WDR20: variants seen among roughly 807,000 people sequenced by gnomAD.
WDR20 encodes the protein WD repeat-containing protein 20.
In WDR20, 3 loss-of-function variants were observed where a neutral mutation model predicts 38.7. The ratio of observed to expected loss-of-function variants is 0.08; its 90% CI spans 0.04 to 0.20. WDR20 has a LOEUF of 0.20. Ranked by LOEUF, WDR20 falls within the 10% of genes least tolerant of loss-of-function variation. The pLI is 1.00. For synonymous variants in WDR20, 298 were observed against 285.6 expected (o/e 1.04, Z -0.44); for missense variants, 559 against 727.7 (o/e 0.77, Z 2.67).
At chr14:102,170,383 T>C (rs1394210952) in intron 1 of WDR20, among the ~76,000 whole-genome samples, 1 of 152,220 alleles carries the variant, frequency 6.6e-6, no homozygotes, top group Non-Finnish European at 1.5e-5. Flanking sequence ...TATGTGCATT[T>C]GTAATTTTAG....
intron 2 of WDR20, chr14:102,198,361 A>G: frequency 3.7e-6 from 1 of 268,622 alleles, no homozygotes; most frequent in African/African-American, 2.3e-5. Flanking sequence ...CAAGTGATCC[A>G]CCCACCTCAG....
At position 102,209,549 on chromosome 14, in the gene WDR20, A is replaced by G. The variant is rs1471858589; in HGVS notation, c.1379A>G (p.Lys460Arg). ...MDGAIASGVS[K>R]FATLSLHDRK... ...GGGGCCATTGCTTCTGGGGTCAGCA[A>G]ATTTGCAACACTTTCACTACATGAC... The change falls in exon 3 of 3, where the codon AAA becomes AGA. Residue 460 changes from lysine to arginine, a missense_variant. Transcript: ENST00000342702. The surrounding 1 kb of genome is among the most constrained non-coding windows in gnomAD (Gnocchi z 6.0). 2.5e-6 allele frequency: 4 copies of G among 1,614,190 alleles called. No homozygotes were observed. Among genetic ancestry groups the G allele is most frequent in the Middle Eastern group, 1.6e-4 (1 of 6,062 alleles).
chr14:102,168,736 C>T (rs947068534), intron 1 of WDR20, among the ~76,000 whole-genome samples: 2 of 151,998 alleles, frequency 1.3e-5, no homozygotes, highest in African/African-American at 2.4e-5. Flanking sequence ...CTTTTTTTCA[C>T]GATCTACTTC....
At chr14:102,173,266 C>T (rs1018942398) in intron 1 of WDR20, among the ~76,000 whole-genome samples, 1 of 150,984 alleles carries the variant, frequency 6.6e-6, no homozygotes, top group Non-Finnish European at 1.5e-5. Flanking sequence ...GCTTGTGCCA[C>T]CATGCCTGGC....
intron 1 of WDR20, among the ~76,000 whole-genome samples, chr14:102,147,213 G>A (rs1266824729): frequency 6.6e-6 from 1 of 152,100 alleles, no homozygotes; most frequent in South Asian, 2.1e-4. Context: ...TGGCCAACAC[G>A]GGGAAACCAC....
chr14:102,218,206 C>G (rs2153056190), downstream of WDR20, among the ~76,000 whole-genome samples: 1 of 152,374 alleles, frequency 6.6e-6, no homozygotes, highest in South Asian at 2.1e-4. Flanking sequence ...AAAGGGTGAC[C>G]TTGGGGGTTG....
At chr14:102,202,372 G>T (rs1303703738) in intron 2 of WDR20, among the ~76,000 whole-genome samples, 1 of 67,634 alleles carries the variant, frequency 1.5e-5, no homozygotes, top group Admixed American at 2.3e-4. Context: ...CTGTATGGAG[G>T]TTTTTTTTTT....
At chr14:102,150,599 A>G (rs2055450292) in intron 1 of WDR20, among the ~76,000 whole-genome samples, 1 of 151,994 alleles carries the variant, frequency 6.6e-6, no homozygotes, top group Non-Finnish European at 1.5e-5. Context: ...CCCTTTTACT[A>G]CCCTTTTTTG....
intron 2 of WDR20, among the ~76,000 whole-genome samples, chr14:102,203,380 T>G (rs1175320670): frequency 6.6e-6 from 1 of 152,244 alleles, no homozygotes; most frequent in Non-Finnish European, 1.5e-5. Flanking sequence ...ACATTTTTTT[T>G]CATACCACAT....
At chr14:102,223,032 C>T (rs1349432737) in exon 4 of WDR20, 6 of 865,864 alleles carry the variant, frequency 6.9e-6, no homozygotes, top group Non-Finnish European at 1.1e-5. Context: ...CCGGCTCACT[C>T]TGCGGCGCCG....
chr14:102,148,669 T>TGTG (rs2054563368), intron 1 of WDR20, among the ~76,000 whole-genome samples: 1 of 144,836 alleles, frequency 6.9e-6, no homozygotes, highest in African/African-American at 2.6e-5. Context: ...GAGTTTGGCT[T>TGTG]TGTGTGTGTG....
At chr14:102,153,950 C>T (rs1296574093) in intron 1 of WDR20, among the ~76,000 whole-genome samples, 1 of 152,202 alleles carries the variant, frequency 6.6e-6, no homozygotes, top group Non-Finnish European at 1.5e-5. Flanking sequence ...CTTTGGGATG[C>T]TGAAGCAGGA....
intron 2 of WDR20, among the ~76,000 whole-genome samples, chr14:102,202,737 T>C (rs1213145580): frequency 6.6e-6 from 1 of 151,814 alleles, no homozygotes; most frequent in Admixed American, 6.6e-5. Flanking sequence ...CCTGCTTCCT[T>C]GGAGATATTT....
At chr14:102,204,113 C>T (rs1471884134) in intron 2 of WDR20, among the ~76,000 whole-genome samples, 2 of 152,070 alleles carry the variant, frequency 1.3e-5, no homozygotes, top group East Asian at 3.9e-4. Flanking sequence ...GCAGGCTGGT[C>T]GTCGGAGCCA....
chr14:102,197,745 G>A (rs1192734474), intron 2 of WDR20: 1 of 700,142 alleles, frequency 1.4e-6, no homozygotes, highest in Non-Finnish European at 2.6e-6. Flanking sequence ...GATCAAATGT[G>A]TTTTTTTAGA....
At chr14:102,183,342 A>G (rs933998517) in intron 1 of WDR20, among the ~76,000 whole-genome samples, 1 of 152,244 alleles carries the variant, frequency 6.6e-6, no homozygotes, top group African/African-American at 2.4e-5. Context: ...AGCCAAGTCA[A>G]GCATTTTGGC....
downstream of WDR20, among the ~76,000 whole-genome samples, chr14:102,215,212 C>T (rs370875263): frequency 1.3e-5 from 2 of 152,214 alleles, no homozygotes; most frequent in African/African-American, 4.8e-5. Flanking sequence ...GTCTCAGATA[C>T]TGTTTTATGT....
intron 1 of WDR20, among the ~76,000 whole-genome samples, chr14:102,163,387 T>G (rs1212239): frequency 0.93 from 141,221 of 151,948 alleles, 65,669 homozygotes; most frequent in East Asian, 1. Context: ...CAGCACTTTG[T>G]GAGGCCGAGG....
downstream of WDR20, chr14:102,213,162 TG>T (rs1260485575): frequency 2.1e-5 from 21 of 985,664 alleles, no homozygotes; most frequent in Non-Finnish European, 2.5e-5. Context: ...GTGCTGTGAC[TG>T]CGATGGGGCA....
Sources: allele counts gnomAD v4.1 joint callset (sites outside exome capture counted in the v4.1 genomes callset), GRCh38; gene constraint gnomAD v4.1.1; non-coding constraint Gnocchi (gnomAD v3.1); transcripts MANE v1.5; gene names NCBI Gene and HGNC (gene_info 2026-07-23, HGNC 2026-07-21).